The following ATM variants were observed in gnomAD, a reference collection of about 807,000 sequenced individuals.
The protein encoded by ATM is serine-protein kinase ATM.
ATM carries 308 observed loss-of-function variants against 387.0 expected under a neutral mutation model. The ratio of observed to expected loss-of-function variants is 0.80; its 90% CI spans 0.73 to 0.87. ATM has a LOEUF of 0.87. Among genes scored for constraint, ATM ranks in the 40% least tolerant of loss-of-function variants. The pLI is 0.00. For synonymous variants in ATM, 1,156 were observed against 1,187.3 expected (o/e 0.97, Z 0.54); for missense variants, 3,312 against 3,560.9 (o/e 0.93, Z 1.78).
intron 61 of ATM, among the ~76,000 whole-genome samples, chr11:108,361,385 C>T (rs939743482): frequency 6.6e-6 from 1 of 151,430 alleles, no homozygotes; most frequent in African/African-American, 2.4e-5. Context: ...AGGTAATTTA[C>T]AGATTCAATG....
intron 56 of ATM, among the ~76,000 whole-genome samples, chr11:108,342,077 T>A (rs1565555618): frequency 6.6e-6 from 1 of 152,028 alleles, no homozygotes. Flanking sequence ...CTTAACATTA[T>A]GAGATTTTTT....
intron 40 of ATM, among the ~76,000 whole-genome samples, chr11:108,313,899 T>C (rs2084382397): frequency 6.6e-6 from 1 of 152,198 alleles, no homozygotes; most frequent in Non-Finnish European, 1.5e-5. Flanking sequence ...TATGTTTTCA[T>C]TTTTATTTAA....
chr11:108,332,239 C>T (rs2086339713), intron 52 of ATM, among the ~76,000 whole-genome samples: 2 of 152,028 alleles, frequency 1.3e-5, no homozygotes, highest in African/African-American at 4.8e-5. Context: ...ACCATCCTGG[C>T]TGACCGACAC....
At chr11:108,257,742 C>T (rs960350934) in intron 15 of ATM, 136 bp downstream of exon 15, 2 of 909,024 alleles carry the variant, frequency 2.2e-6, no homozygotes, top group Non-Finnish European at 3.5e-6. Flanking sequence ...GCCTCAGCCT[C>T]CCAAGTAATT....
chr11:108,327,438 G>T, intron 47 of ATM: 1 of 518,562 alleles, frequency 1.9e-6, no homozygotes. Flanking sequence ...TCCAATAATG[G>T]CAATAATAAT....
chr11:108,251,752 G>A (rs1026885907), intron 10 of ATM, 85 bp from the exon 11 acceptor site: 1 of 1,292,148 alleles, frequency 7.7e-7, no homozygotes, highest in South Asian at 1.2e-5. Flanking sequence ...TTAACTAAAT[G>A]TATGTGCCAG....
intron 50 of ATM, 122 bp from the exon 51 acceptor site, chr11:108,331,322 T>C (rs1231264395): frequency 1.4e-6 from 2 of 1,467,358 alleles, no homozygotes; most frequent in Non-Finnish European, 1.8e-6. Context: ...ATATAGTTAG[T>C]GAAGTTTTGT....
chr11:108,348,392 A>T (rs2088741946), intron 59 of ATM, among the ~76,000 whole-genome samples: 1 of 151,368 alleles, frequency 6.6e-6, no homozygotes, highest in African/African-American at 2.4e-5. Flanking sequence ...AAGAAAGAAT[A>T]TGTAGCTTCT....
chr11:108,288,225 C>T (rs2082599147), intron 27 of ATM, among the ~76,000 whole-genome samples: 1 of 152,032 alleles, frequency 6.6e-6, no homozygotes, highest in Non-Finnish European at 1.5e-5. Flanking sequence ...AGATGCACAT[C>T]ACTGCGCCTG....
In ATM at chr11:108,326,268, T is replaced by TA. The variant is rs774886495; in HGVS notation, c.6975+50dup. 105 of 1,607,232 alleles carry TA rather than the reference T, an allele frequency of 6.5e-5. No individual in the cohort carries two copies. The highest frequency in any genetic ancestry group is 8.1e-5 in the Non-Finnish European group (95 of 1,175,858). ...GCTGGATTAGTGTTTTACTGTTATT[T>TA]AAAAAAACACAAATGTACTTTAAAA... is the stretch of plus-strand genomic sequence containing the variant. On this transcript the variant is annotated intron_variant, in intron 47 of 62. Transcript: ENST00000675843.
chr11:108,363,123 A>T (rs2090985917), intron 61 of ATM, among the ~76,000 whole-genome samples: 1 of 152,146 alleles, frequency 6.6e-6, no homozygotes, highest in Non-Finnish European at 1.5e-5. Flanking sequence ...TTTCCCAGTG[A>T]TCTTACCACA....
chr11:108,237,899 G>GTTTTTTTTTTTT (rs369161623), intron 5 of ATM, among the ~76,000 whole-genome samples: 97 of 91,972 alleles, frequency 1.1e-3, no homozygotes, highest in East Asian at 1.5e-3. Context: ...ATTTACTTAG[G>GTTTTTTTTTTTT]TTTTTTTTTT....
chr11:108,297,031 T>G (rs530897390), intron 32 of ATM: 14 of 431,746 alleles, frequency 3.2e-5, no homozygotes, highest in Non-Finnish European at 6.0e-5. Context: ...TGCTAAGGTG[T>G]TGACTTATCT....
chr11:108,305,628 G>T (rs776068163), intron 37 of ATM, among the ~76,000 whole-genome samples: 4 of 151,986 alleles, frequency 2.6e-5, no homozygotes, highest in Non-Finnish European at 5.9e-5. Flanking sequence ...TTAACATTTA[G>T]TGTATATCCT....
At chr11:108,256,180 A>C (rs2080468425) in intron 13 of ATM, 35 bp from the exon 14 acceptor site, 1 of 1,493,462 alleles carries the variant, frequency 6.7e-7, no homozygotes, top group African/African-American at 1.4e-5. Context: ...ATTATTTATG[A>C]AATATATATA....
rs1306604073 is a variant in ATM, at chr11:108,360,432, C to T, written c.8851-4650C>T. Among the ~76,000 whole-genome samples, 1,308 of 137,872 alleles carry T rather than the reference C, an allele frequency of 9.5e-3. 23 individuals are homozygous for T. Among genetic ancestry groups the T allele is most frequent in the African/African-American group, 0.033 (1,225 of 36,958 alleles). The allele number at this position is 137,872 out of a possible 152,430, so 90.4% of individuals were successfully genotyped here. A position where few individuals can be genotyped will look rare whatever the true frequency, so the allele number is the denominator to read the frequency against. ...ATCAATAGAAAAAGAGGGAATCCTC[C>T]CTAACTCATTTTATGAGGCCAGCAT... On this transcript the variant is annotated intron_variant, in intron 61 of 62. Transcript: ENST00000675843.
chr11:108,304,403 A>G (rs2083572820), intron 36 of ATM, among the ~76,000 whole-genome samples: 1 of 152,194 alleles, frequency 6.6e-6, no homozygotes, highest in Admixed American at 6.5e-5. Flanking sequence ...ATTCTGTTTC[A>G]TTATGGTAAT....
chr11:108,351,407 A>G (rs570198809), intron 59 of ATM, among the ~76,000 whole-genome samples: 148 of 152,336 alleles, frequency 9.7e-4, no homozygotes, highest in East Asian at 7.7e-4. Flanking sequence ...CTGTTGCTGC[A>G]TAACAAACCA....
intron 56 of ATM, 179 bp downstream of exon 56, chr11:108,336,140 T>TA: frequency 1.9e-6 from 1 of 521,894 alleles, no homozygotes; most frequent in Non-Finnish European, 3.4e-6. Flanking sequence ...TGACAAAAAG[T>TA]TAAAAAAAAA....
Sources: gnomAD v4.1 joint callset for allele counts (sites outside exome capture counted in the v4.1 genomes callset) on GRCh38, gnomAD v4.1.1 for gene constraint, MANE v1.5 for transcripts, NCBI Gene and HGNC (gene_info 2026-07-23, HGNC 2026-07-21) for gene names.